Variants in MTUS2 observed in about 807,000 individuals in gnomAD.
The protein encoded by MTUS2 is microtubule-associated tumor suppressor candidate 2.
A neutral mutation model predicts 114.1 loss-of-function variants in MTUS2; 40 were observed. That is an observed-to-expected ratio of 0.35 (90% confidence interval 0.27 to 0.46). The LOEUF (loss-of-function observed/expected upper bound fraction) is 0.46. Among genes scored for constraint, MTUS2 ranks in the 20% least tolerant of loss-of-function variants. The probability of loss-of-function intolerance (pLI) is 1.00; values close to 1 mark genes in which losing one functional copy is unlikely to be tolerated. For missense variants in MTUS2, 1,679 were observed against 1,705.4 expected (o/e 0.98, Z 0.27); for synonymous variants, 688 against 672.0 (o/e 1.02, Z -0.37).
chr13:29,243,917 G>A (rs575163092), intron 5 of MTUS2, among the ~76,000 whole-genome samples: 13 of 152,304 alleles, frequency 8.5e-5, no homozygotes, highest in South Asian at 6.2e-4. Context: ...TTTCAGAGGA[G>A]GTGGGAGTAG....
chr13:28,853,836 G>T (rs537320813), intron 2 of MTUS2, among the ~76,000 whole-genome samples: 2 of 152,290 alleles, frequency 1.3e-5, no homozygotes, highest in Non-Finnish European at 2.9e-5. Context: ...ATAAGAAGTT[G>T]GCCAAGGAGT....
intron 2 of MTUS2, among the ~76,000 whole-genome samples, chr13:28,885,320 G>A (rs190347853): frequency 6.6e-6 from 1 of 152,314 alleles, no homozygotes; most frequent in East Asian, 1.9e-4. Flanking sequence ...GAGTGGCTGG[G>A]CAGGGGTTAC....
At chr13:29,059,653 G>A (rs1287563752) in intron 4 of MTUS2, among the ~76,000 whole-genome samples, 1 of 152,180 alleles carries the variant, frequency 6.6e-6, no homozygotes, top group Non-Finnish European at 1.5e-5. Context: ...GCAAATTCAG[G>A]TAGAAGTAGG....
intron 12 of MTUS2, among the ~76,000 whole-genome samples, chr13:29,493,640 C>T (rs1220155302): frequency 6.6e-6 from 1 of 152,148 alleles, no homozygotes; most frequent in Non-Finnish European, 1.5e-5. Flanking sequence ...CCAGTGTACT[C>T]TTCAAAAACT....
intron 4 of MTUS2, among the ~76,000 whole-genome samples, chr13:29,067,856 T>C (rs1888732775): frequency 2.0e-5 from 3 of 152,092 alleles, no homozygotes; most frequent in Non-Finnish European, 4.4e-5. Context: ...GATCCTGGAA[T>C]GTAAGTGGAA....
At chr13:28,910,649 G>A (rs1258666047) in intron 2 of MTUS2, among the ~76,000 whole-genome samples, 3 of 151,598 alleles carry the variant, frequency 2.0e-5, no homozygotes, top group African/African-American at 4.9e-5. Context: ...TTCTGTTCCT[G>A]TGTTAGTTTG....
intron 14 of MTUS2, among the ~76,000 whole-genome samples, chr13:29,499,381 T>C (rs1309644889): frequency 1.3e-5 from 2 of 152,360 alleles, no homozygotes; most frequent in South Asian, 4.1e-4. Context: ...GGGCAGCCCA[T>C]CTTGATCTGG....
intron 2 of MTUS2, among the ~76,000 whole-genome samples, chr13:29,010,088 G>C (rs1453274799): frequency 2.6e-5 from 4 of 151,898 alleles, no homozygotes; most frequent in Non-Finnish European, 4.4e-5. Context: ...GCACGTGCCT[G>C]TAGTCCCAGC....
intron 2 of MTUS2, among the ~76,000 whole-genome samples, chr13:28,887,383 C>G (rs898092968): frequency 4.6e-5 from 7 of 152,172 alleles, no homozygotes; most frequent in Non-Finnish European, 7.3e-5. Flanking sequence ...CCACAGCTGC[C>G]CCATCATTGA....
intron 1 of MTUS2, among the ~76,000 whole-genome samples, chr13:28,828,127 C>T (rs533628446): frequency 6.6e-6 from 1 of 152,260 alleles, no homozygotes; most frequent in African/African-American, 2.4e-5. Flanking sequence ...GAGACCTCCC[C>T]TTGGGAATGC....
intron 4 of MTUS2, among the ~76,000 whole-genome samples, chr13:29,055,654 T>TA (rs1888100426): frequency 6.6e-6 from 1 of 152,060 alleles, no homozygotes; most frequent in Admixed American, 6.6e-5. Context: ...ATGATCTCGT[T>TA]CTTTTTTATG....
At chr13:29,022,202 C>T (rs1313540838) in intron 2 of MTUS2, among the ~76,000 whole-genome samples, 1 of 151,974 alleles carries the variant, frequency 6.6e-6, no homozygotes, top group Non-Finnish European at 1.5e-5. Flanking sequence ...AGGAAATGAT[C>T]TTATGTATGT....
chr13:29,250,897 AG>A (rs1897101669), intron 5 of MTUS2, among the ~76,000 whole-genome samples: 1 of 152,196 alleles, frequency 6.6e-6, no homozygotes, highest in South Asian at 2.1e-4. Context: ...CAGTCCCCAT[AG>A]AGCAGAGCAG....
intron 3 of MTUS2, among the ~76,000 whole-genome samples, chr13:29,031,394 A>G (rs1886819996): frequency 6.6e-6 from 1 of 152,056 alleles, no homozygotes; most frequent in Non-Finnish European, 1.5e-5. Flanking sequence ...GAGAGGGTAC[A>G]TCACATAATC....
At chr13:29,468,036 G>A (rs1442639718) in intron 9 of MTUS2, among the ~76,000 whole-genome samples, 3 of 151,198 alleles carry the variant, frequency 2.0e-5, no homozygotes, top group African/African-American at 4.9e-5. Flanking sequence ...GGAGGATCAT[G>A]TGAGCCCAGG....
At chr13:29,049,415 G>A (rs1887785435) in intron 4 of MTUS2, among the ~76,000 whole-genome samples, 1 of 152,188 alleles carries the variant, frequency 6.6e-6, no homozygotes, top group Admixed American at 6.5e-5. Flanking sequence ...GATCACAGCT[G>A]TGGAGCTGTC....
At chr13:29,465,962 T>C (rs1475764445) in intron 9 of MTUS2, among the ~76,000 whole-genome samples, 3 of 152,238 alleles carry the variant, frequency 2.0e-5, no homozygotes, top group African/African-American at 7.2e-5. Flanking sequence ...TGTTCTGTTC[T>C]AGATGCATTC....
intron 2 of MTUS2, among the ~76,000 whole-genome samples, chr13:28,871,692 A>T (rs1406412205): frequency 6.6e-6 from 1 of 152,238 alleles, no homozygotes; most frequent in Non-Finnish European, 1.5e-5. Flanking sequence ...AAAATATTTT[A>T]TGTAGTAATA....
intron 4 of MTUS2, among the ~76,000 whole-genome samples, chr13:29,065,287 A>C (rs2138664108): frequency 6.6e-6 from 1 of 152,244 alleles, no homozygotes; most frequent in South Asian, 2.1e-4. Flanking sequence ...CCTTGCCAGC[A>C]TCTCTTATTT....
Sources: gnomAD v4.1 joint callset for allele counts (sites outside exome capture counted in the v4.1 genomes callset) on GRCh38, gnomAD v4.1.1 for gene constraint, MANE v1.5 for transcripts, NCBI Gene and HGNC (gene_info 2026-07-23, HGNC 2026-07-21) for gene names.